KLHL1: variants seen among roughly 807,000 people sequenced by gnomAD.
KLHL1 encodes kelch-like protein 1.
A neutral mutation model predicts 77.7 loss-of-function variants in KLHL1; 47 were observed. The ratio of observed to expected loss-of-function variants is 0.60; its 90% confidence interval spans 0.48 to 0.77. The LOEUF (loss-of-function observed/expected upper bound fraction) is 0.77. Ranked by LOEUF, KLHL1 falls within the 30% of genes least tolerant of loss-of-function variation. The pLI, the probability that KLHL1 is intolerant of heterozygous loss-of-function variation, is 0.00. For missense variants in KLHL1, 925 were observed against 910.8 expected, an observed-to-expected ratio of 1.02 and a Z score of -0.20; for synonymous variants, 360 against 325.2, an observed-to-expected ratio of 1.11 and a Z score of -1.15.
chr13:69,902,571 C>T (rs891759570), intron 4 of KLHL1, among the ~76,000 whole-genome samples: 2 of 152,082 alleles, frequency 1.3e-5, no homozygotes, highest in Non-Finnish European at 2.9e-5. Context: ...GAATACCATG[C>T]AACTACAAAA....
chr13:70,016,855 T>G (rs1042478346), intron 1 of KLHL1, among the ~76,000 whole-genome samples: 1 of 152,050 alleles, frequency 6.6e-6, no homozygotes, highest in Non-Finnish European at 1.5e-5. Context: ...GGTCCACCCA[T>G]GGCCACCCAT....
intron 1 of KLHL1, among the ~76,000 whole-genome samples, chr13:70,054,427 A>T (rs1212549611): frequency 6.6e-6 from 1 of 152,064 alleles, no homozygotes; most frequent in African/African-American, 2.4e-5. Flanking sequence ...CAGTGGTTAA[A>T]TTTTTATTGC....
At chr13:69,992,241 G>C (rs1031411133) in intron 1 of KLHL1, among the ~76,000 whole-genome samples, 5 of 151,892 alleles carry the variant, frequency 3.3e-5, no homozygotes, top group African/African-American at 1.2e-4. Context: ...TGCCACAAAT[G>C]TATTGAGTGC....
intron 6 of KLHL1, among the ~76,000 whole-genome samples, chr13:69,833,185 G>GA (rs143842167): frequency 3.2e-4 from 48 of 152,304 alleles, no homozygotes; most frequent in African/African-American, 1.1e-3. Flanking sequence ...CAGAGTGGGA[G>GA]AAAATCTTCA....
At chr13:70,068,418 G>A (rs79211897) in intron 1 of KLHL1, among the ~76,000 whole-genome samples, 4,611 of 152,218 alleles carry the variant, frequency 0.03, 196 homozygotes, top group African/African-American at 0.1. Context: ...ACTGATTAAT[G>A]AATTATGATT....
At chr13:69,848,387 G>A (rs1879555041) in intron 5 of KLHL1, among the ~76,000 whole-genome samples, 1 of 151,446 alleles carries the variant, frequency 6.6e-6, no homozygotes, top group Admixed American at 6.6e-5. Context: ...CAGCCTGAAA[G>A]AGTATACCAC....
At chr13:69,750,087 A>T (rs1311673237) in intron 7 of KLHL1, among the ~76,000 whole-genome samples, 1 of 151,496 alleles carries the variant, frequency 6.6e-6, no homozygotes, top group Non-Finnish European at 1.5e-5. Flanking sequence ...AATGTATTTA[A>T]ATTTATTTTG....
At chr13:69,876,125 C>T (rs189547412) in intron 5 of KLHL1, among the ~76,000 whole-genome samples, 35 of 152,136 alleles carry the variant, frequency 2.3e-4, no homozygotes, top group Middle Eastern at 3.4e-3. Context: ...TGCAGCTAGC[C>T]TTGGAGACAC....
At chr13:69,751,946 C>CA (rs1410623608) in intron 7 of KLHL1, among the ~76,000 whole-genome samples, 2 of 152,110 alleles carry the variant, frequency 1.3e-5, no homozygotes, top group East Asian at 3.9e-4. Flanking sequence ...ACTCCTCCCT[C>CA]ATCTATCCAT....
chr13:69,849,497 T>C (rs895617045), intron 5 of KLHL1, among the ~76,000 whole-genome samples: 9 of 151,436 alleles, frequency 5.9e-5, no homozygotes, highest in Non-Finnish European at 8.9e-5. Context: ...TTTCTCTCTC[T>C]CTCTATCTTA....
chr13:69,975,164 A>T (rs1884507358), intron 2 of KLHL1, among the ~76,000 whole-genome samples: 2 of 152,196 alleles, frequency 1.3e-5, no homozygotes, highest in South Asian at 4.1e-4. Context: ...AAAAATGTCA[A>T]TATGAAATAC....
chr13:69,740,547 A>G lies in KLHL1; in HGVS notation c.1649T>C (p.Val550Ala). The G allele has an allele frequency of 1.9e-6, 3 of 1,608,790 alleles. No homozygotes were observed. Among genetic ancestry groups the G allele is most frequent in the South Asian group, 2.2e-5 (2 of 90,544 alleles). The change falls in exon 8 of 11, where the codon GTA (valine) becomes GCA (alanine). Residue 550 changes from valine (V) to alanine (A), a missense_variant. Physicochemically the swap from Val to Ala is moderately conservative, Grantham distance 64 (BLOSUM62 0). Transcript: ENST00000377844. Reference protein sequence around the residue: ...STHRHGLGVTVLEGPIYAVGG... With the variant: ...STHRHGLGVTALEGPIYAVGG... ...CACAGCATAAATAGGGCCTTCAAGT[A>G]CTGTTACACCTAAAATATTAGATAA...
chr13:70,107,870 A>G lies in KLHL1; in HGVS notation c.-171T>C. 1 of 566,606 alleles carries G rather than the reference A, an allele frequency of 1.8e-6. No homozygotes were observed. The highest frequency in any genetic ancestry group is 2.9e-5 in the South Asian group (1 of 34,936). The allele number at this position is 566,606 out of a possible 1,614,324, so 35.1% of individuals were successfully genotyped here. On this transcript the variant is annotated 5_prime_UTR_variant, in exon 1 of 11. Coordinates refer to ENST00000377844, the MANE Select transcript of KLHL1 (RefSeq NM_020866.3). ...GCGCGCTCTGCCAGGCGAAGGCTGG[A>G]GCGCAGACGGCAAAGCCGCGCGTTT...
At chr13:69,841,351 A>C (rs987092728) in intron 5 of KLHL1, among the ~76,000 whole-genome samples, 4 of 151,896 alleles carry the variant, frequency 2.6e-5, no homozygotes, top group African/African-American at 9.7e-5. Flanking sequence ...TAGGTTTGAT[A>C]AATAAAGTTG....
At chr13:70,029,673 T>G (rs1886046739) in intron 1 of KLHL1, among the ~76,000 whole-genome samples, 1 of 152,170 alleles carries the variant, frequency 6.6e-6, no homozygotes. Context: ...AGACCATCGA[T>G]GCTAGGAAGA....
chr13:69,977,980 C>T (rs1358145473), intron 1 of KLHL1, among the ~76,000 whole-genome samples: 1 of 152,050 alleles, frequency 6.6e-6, no homozygotes, highest in African/African-American at 2.4e-5. Flanking sequence ...AATATGTTAT[C>T]TTCATCAGAC....
chr13:69,780,709 TATATATGTATATATATATATATAC>T (rs1566243614), intron 7 of KLHL1, among the ~76,000 whole-genome samples: 16 of 37,336 alleles, frequency 4.3e-4, no homozygotes, highest in African/African-American at 1.0e-3. Flanking sequence ...TATGTATATA[TATATATGTATATATATATATATAC>T]ATATATATAT....
intron 1 of KLHL1, among the ~76,000 whole-genome samples, chr13:69,997,558 A>G (rs1283999489): frequency 6.6e-6 from 1 of 151,060 alleles, no homozygotes; most frequent in Non-Finnish European, 1.5e-5. Flanking sequence ...ATTATGTAGT[A>G]CTTGTCCATC....
intron 1 of KLHL1, among the ~76,000 whole-genome samples, chr13:70,060,080 A>G (rs1006361588): frequency 6.6e-6 from 1 of 152,224 alleles, no homozygotes; most frequent in African/African-American, 2.4e-5. Context: ...ACTTGGAAAA[A>G]TCCAATAATC....
Sources: allele counts gnomAD v4.1 joint callset (sites outside exome capture counted in the v4.1 genomes callset), GRCh38; gene constraint gnomAD v4.1.1; transcripts MANE v1.5; gene names NCBI Gene and HGNC (gene_info 2026-07-23, HGNC 2026-07-21).